Variants in GPHN observed in about 807,000 individuals in gnomAD.
GPHN encodes the protein gephyrin.
In GPHN, 17 loss-of-function variants were observed where a neutral mutation model predicts 95.5. The observed-to-expected ratio is 0.18, with a 90% CI of 0.12 to 0.27. The LOEUF (loss-of-function observed/expected upper bound fraction) is 0.27. GPHN is among the 10% of genes least tolerant of loss of function. The probability of loss-of-function intolerance (pLI) is 1.00; values close to 1 mark genes in which losing one functional copy is unlikely to be tolerated. For synonymous variants in GPHN, 320 were observed against 322.5 expected (o/e 0.99, Z 0.08); for missense variants, 660 against 978.1 (o/e 0.67, Z 4.34).
intron 3 of GPHN, among the ~76,000 whole-genome samples, chr14:66,786,270 A>G (rs2153467053): frequency 6.6e-6 from 1 of 152,242 alleles, no homozygotes; most frequent in East Asian, 1.9e-4. Flanking sequence ...CTTCATACTC[A>G]TAAATTGTAC....
the GPHN span, among the ~76,000 whole-genome samples, chr14:67,618,948 A>C: frequency 1.1e-4 from 16 of 152,344 alleles, no homozygotes; most frequent in African/African-American, 3.8e-4. Flanking sequence ...AATAAATTTC[A>C]GGAGTTTATG....
intron 9 of GPHN, among the ~76,000 whole-genome samples, chr14:66,972,043 G>A (rs1189226139): frequency 1.3e-5 from 2 of 151,916 alleles, no homozygotes; most frequent in African/African-American, 4.8e-5. Flanking sequence ...TGAGGCAGGC[G>A]GGTCACTTGA....
the GPHN span, chr14:67,729,532 A>G: frequency 1.3e-6 from 1 of 752,664 alleles, no homozygotes; most frequent in Non-Finnish European, 2.3e-6. Flanking sequence ...TGCTTTGTTA[A>G]GGAAACTTAC....
chr14:67,028,130 T>A (rs1321344316), intron 10 of GPHN, among the ~76,000 whole-genome samples: 7 of 152,200 alleles, frequency 4.6e-5, no homozygotes, highest in Non-Finnish European at 1.0e-4. Flanking sequence ...TTGCAACATC[T>A]GTCATTCTGT....
chr14:67,006,304 C>G (rs959592851), intron 9 of GPHN, among the ~76,000 whole-genome samples: 1 of 151,958 alleles, frequency 6.6e-6, no homozygotes, highest in African/African-American at 2.4e-5. Flanking sequence ...TTCTGTCTGC[C>G]TCAGGATACC....
intron 4 of GPHN, among the ~76,000 whole-genome samples, chr14:66,826,704 A>G (rs1258383179): frequency 6.6e-6 from 1 of 152,208 alleles, no homozygotes; most frequent in Non-Finnish European, 1.5e-5. Flanking sequence ...AGCCAAATGC[A>G]GGAGATGCAC....
chr14:66,801,881 C>T (rs531490069), intron 3 of GPHN, among the ~76,000 whole-genome samples: 1 of 152,004 alleles, frequency 6.6e-6, no homozygotes, highest in Non-Finnish European at 1.5e-5. Flanking sequence ...ACCCTTGTGG[C>T]CACCATCTCT....
the GPHN span, among the ~76,000 whole-genome samples, chr14:67,379,520 T>C: frequency 5.9e-5 from 9 of 152,208 alleles, no homozygotes; most frequent in African/African-American, 2.2e-4. Context: ...CGTTACTTTA[T>C]GTTAGCTGAG....
chr14:67,150,704 G>A (rs184550215), intron 18 of GPHN, among the ~76,000 whole-genome samples: 2 of 151,888 alleles, frequency 1.3e-5, no homozygotes, highest in Admixed American at 6.5e-5. Context: ...TTTAAGTTTG[G>A]GGTTTGTTTT....
intron 18 of GPHN, among the ~76,000 whole-genome samples, chr14:67,144,242 A>ATATAT (rs1567399860): frequency 1.3e-4 from 9 of 68,064 alleles, no homozygotes; most frequent in African/African-American, 6.3e-4. Flanking sequence ...GTCTTAAAAA[A>ATATAT]AAAAAAAAAT....
the GPHN span, chr14:67,650,783 A>C: frequency 6.2e-7 from 1 of 1,614,192 alleles, no homozygotes; most frequent in Non-Finnish European, 8.5e-7. Flanking sequence ...AGAGGCGAAG[A>C]CTACAGCTAA....
At position 66,592,470 on chromosome 14, in the gene GPHN, A is replaced by C. The variant is rs12190979; in HGVS notation, c.64+83879A>C. On this transcript the variant is annotated intron_variant, in intron 1 of 22. Coordinates refer to ENST00000478722, the MANE Select transcript of GPHN (RefSeq NM_020806.5). Reference sequence around the variant, plus strand: ...ACAAATATACAAGAAAAAAAAAAAAACCCCGTCAAGAAGTGGGCGAAGGAT... The same window carrying C: ...ACAAATATACAAGAAAAAAAAAAAACCCCCGTCAAGAAGTGGGCGAAGGAT... Among the ~76,000 whole-genome samples, 837 of 119,724 alleles carry C rather than the reference A, an allele frequency of 7.0e-3. 9 individuals are homozygous for C. Among genetic ancestry groups the C allele is most frequent in the African/African-American group, 0.031 (780 of 25,542 alleles). 78.5% of individuals were successfully genotyped at this position (119,724 alleles called of 152,430 possible).
Position 66,785,066 on chromosome 14 carries a change from T to TA in GPHN, c.201+8555dup, listed in dbSNP as rs113416127. On this transcript the variant is annotated intron_variant, in intron 3 of 22. Transcript: ENST00000478722. The stretch of plus-strand genomic sequence containing the variant: ...AAGATTTATGTGTGAACACAAATTT[T>TA]AAAAAAAAAAGCAGGAGTGGGCTGG... Among the ~76,000 whole-genome samples the TA allele has an allele frequency of 3.4e-3, 506 of 149,490 alleles. 11 individuals carry two copies. Among genetic ancestry groups the TA allele is most frequent in the African/African-American group, 0.011 (447 of 40,928 alleles).
At chr14:67,729,428 G>A in the GPHN span, 18 of 1,560,402 alleles carry the variant, frequency 1.2e-5, no homozygotes, top group African/African-American at 1.5e-4. Flanking sequence ...TGCATGGGAG[G>A]TGCCGGACTC....
At chr14:67,241,939 T>G in the GPHN span, 1 of 152,202 alleles carries the variant, frequency 6.6e-6, no homozygotes, top group Non-Finnish European at 1.5e-5. Context: ...CGCTTTCCTT[T>G]AGAAGTCAGA....
At chr14:67,087,037 C>CAAAAAA (rs60067524) in intron 11 of GPHN, among the ~76,000 whole-genome samples, 4 of 77,230 alleles carry the variant, frequency 5.2e-5, no homozygotes, top group African/African-American at 1.6e-4. Context: ...GACTCTGTCT[C>CAAAAAA]AAAAAAAAAA....
At chr14:66,804,665 G>A (rs1175259878) in intron 3 of GPHN, among the ~76,000 whole-genome samples, 3 of 152,180 alleles carry the variant, frequency 2.0e-5, no homozygotes, top group Non-Finnish European at 4.4e-5. Context: ...AGTGGGGGTG[G>A]CTTGGTAGGA....
At chr14:66,599,855 ATATC>A (rs1362294061) in intron 1 of GPHN, among the ~76,000 whole-genome samples, 1 of 151,988 alleles carries the variant, frequency 6.6e-6, no homozygotes, top group African/African-American at 2.4e-5. Flanking sequence ...ATCTATATCT[ATATC>A]TATATGTATT....
intron 8 of GPHN, among the ~76,000 whole-genome samples, chr14:66,948,302 C>T (rs1050023798): frequency 6.6e-6 from 1 of 151,616 alleles, no homozygotes; most frequent in African/African-American, 2.4e-5. Flanking sequence ...TAAAAAAAAA[C>T]AAGCTTATAT....
Sources: allele counts gnomAD v4.1 joint callset (sites outside exome capture counted in the v4.1 genomes callset), GRCh38; gene constraint gnomAD v4.1.1; transcripts MANE v1.5; gene names NCBI Gene and HGNC (gene_info 2026-07-23, HGNC 2026-07-21).